The following DUSP16 variants were observed in gnomAD, a reference collection of about 807,000 sequenced individuals.
DUSP16 encodes the protein dual specificity protein phosphatase 16.
DUSP16 carries 21 observed loss-of-function variants against 58.3 expected under a neutral mutation model. The observed-to-expected ratio is 0.36, with a 90% CI of 0.26 to 0.52. DUSP16 has a LOEUF of 0.52. DUSP16 is among the 20% of genes least tolerant of loss of function. DUSP16 has a pLI of 0.94. For synonymous variants in DUSP16, 320 were observed against 323.8 expected, an observed-to-expected ratio of 0.99 and a Z score of 0.12; for missense variants, 726 against 819.0, an observed-to-expected ratio of 0.89 and a Z score of 1.39.
chr12:12,484,495 C>T (rs1011591200), intron 5 of DUSP16, among the ~76,000 whole-genome samples: 4 of 152,154 alleles, frequency 2.6e-5, no homozygotes, highest in African/African-American at 9.7e-5. Context: ...AAAGCCCACA[C>T]ATTGTCATGA....
chr12:12,532,574 T>A (rs747854157), intron 1 of DUSP16, among the ~76,000 whole-genome samples: 1 of 152,216 alleles, frequency 6.6e-6, no homozygotes, highest in Admixed American at 6.5e-5. Flanking sequence ...ATGACATACA[T>A]TCAGACCCAG....
chr12:12,504,953 A>C (rs981270175), intron 3 of DUSP16, among the ~76,000 whole-genome samples: 3 of 152,220 alleles, frequency 2.0e-5, no homozygotes, highest in Non-Finnish European at 4.4e-5. Flanking sequence ...AATCCAAGGA[A>C]ACACCACTTG....
At chr12:12,522,499 G>T (rs1290024479) in intron 1 of DUSP16, among the ~76,000 whole-genome samples, 2 of 151,956 alleles carry the variant, frequency 1.3e-5, no homozygotes, top group Non-Finnish European at 1.5e-5. Flanking sequence ...GTCCATCTCT[G>T]CTTATATGAA....
At chr12:12,534,708 G>C (rs1304326902) in intron 1 of DUSP16, among the ~76,000 whole-genome samples, 1 of 152,062 alleles carries the variant, frequency 6.6e-6, no homozygotes, top group East Asian at 1.9e-4. Flanking sequence ...TTGATGTACT[G>C]CTATTATAAC....
At chr12:12,485,582 G>C (rs889967078) in intron 5 of DUSP16, among the ~76,000 whole-genome samples, 1 of 152,094 alleles carries the variant, frequency 6.6e-6, no homozygotes, top group South Asian at 2.1e-4. Context: ...CACAATCTCA[G>C]CTCACTGCAA....
intron 1 of DUSP16, among the ~76,000 whole-genome samples, chr12:12,561,587 CGGTT>C (rs1343829584): frequency 1.3e-5 from 2 of 152,210 alleles, no homozygotes; most frequent in African/African-American, 2.4e-5. Flanking sequence ...AGGGCTTTTT[CGGTT>C]GGTTGGTTGA....
chr12:12,476,657 T>C lies in DUSP16; in HGVS notation c.*176A>G. On this transcript the variant is annotated 3_prime_UTR_variant, in exon 7 of 7. Transcript: ENST00000298573. ...GTTGAGAGAAGTATTAGCTGATCTCTCAAATGCAGATGTTAAGAGAGTAAC... is the reference window on the plus strand; with the variant it reads ...GTTGAGAGAAGTATTAGCTGATCTCCCAAATGCAGATGTTAAGAGAGTAAC... The C allele has an allele frequency of 1.7e-6, 1 of 575,136 alleles. No individual in the cohort carries two copies. The allele number at this position is 575,136 out of a possible 1,614,324, so 35.6% of individuals were successfully genotyped here.
intron 1 of DUSP16, among the ~76,000 whole-genome samples, chr12:12,522,014 T>C (rs1004375740): frequency 1.2e-4 from 19 of 152,190 alleles, no homozygotes; most frequent in African/African-American, 4.6e-4. Flanking sequence ...ACAGCAGCCT[T>C]TTAAAATTGC....
chr12:12,547,002 C>G (rs748160242), intron 1 of DUSP16, among the ~76,000 whole-genome samples: 22 of 152,156 alleles, frequency 1.4e-4, no homozygotes, highest in Non-Finnish European at 2.9e-4. Flanking sequence ...TATCATTGTC[C>G]ATATGAGAGC....
At chr12:12,500,383 T>TTACCTGGG in intron 4 of DUSP16, 136 bp downstream of exon 4, 6 of 1,016,584 alleles carry the variant, frequency 5.9e-6, no homozygotes, top group Non-Finnish European at 8.3e-6. Flanking sequence ...GACGCAACTG[T>TTACCTGGG]TACCTGGGGA....
chr12:12,525,562 C>T (rs192773898), intron 1 of DUSP16, among the ~76,000 whole-genome samples: 121 of 151,958 alleles, frequency 8.0e-4, no homozygotes, highest in African/African-American at 2.7e-3. Context: ...CTGCATCCGG[C>T]GAAATTCTTA....
At chr12:12,510,575 T>C (rs202069260) in intron 3 of DUSP16, among the ~76,000 whole-genome samples, 2 of 152,312 alleles carry the variant, frequency 1.3e-5, no homozygotes, top group East Asian at 3.9e-4. Flanking sequence ...GTTTCACATA[T>C]AAGTTCAAAA....
At chr12:12,515,186 C>T (rs957156555) in intron 3 of DUSP16, among the ~76,000 whole-genome samples, 7 of 151,878 alleles carry the variant, frequency 4.6e-5, no homozygotes, top group African/African-American at 1.7e-4. Flanking sequence ...GAATTAGATT[C>T]TTTTCAAATT....
At chr12:12,517,423 C>T (rs1944169861) in intron 3 of DUSP16, among the ~76,000 whole-genome samples, 1 of 152,166 alleles carries the variant, frequency 6.6e-6, no homozygotes, top group Admixed American at 6.5e-5. Flanking sequence ...TTCTCCCCAA[C>T]CAAAATATTT....
At chr12:12,517,406 CA>C (rs1592189186) in intron 3 of DUSP16, among the ~76,000 whole-genome samples, 1 of 152,166 alleles carries the variant, frequency 6.6e-6, no homozygotes, top group East Asian at 1.9e-4. Context: ...GGGTGCTTTT[CA>C]GTTATTTCTC....
intron 4 of DUSP16, 120 bp from the exon 5 acceptor site, chr12:12,487,307 C>A: frequency 8.4e-7 from 1 of 1,186,030 alleles, no homozygotes; most frequent in Admixed American, 2.4e-5. Context: ...ATAATTCATT[C>A]AGATCAGTGA....
At chr12:12,519,773 G>A (rs1944202437) in intron 3 of DUSP16, 89 bp downstream of exon 3, 2 of 1,322,046 alleles carry the variant, frequency 1.5e-6, no homozygotes, top group Admixed American at 2.0e-5. Flanking sequence ...AAGTTGGGAT[G>A]ATCTATTGTA....
chr12:12,503,127 C>T (rs893767301), intron 3 of DUSP16, among the ~76,000 whole-genome samples: 2 of 152,130 alleles, frequency 1.3e-5, no homozygotes, highest in African/African-American at 4.8e-5. Flanking sequence ...AATGATCACA[C>T]CTATCTCACA....
rs144965501 is a variant in DUSP16 at position 12,561,519 on chromosome 12, G to C, written c.-366+598C>G. On this transcript the variant is annotated intron_variant, in intron 1 of 6. Transcript: ENST00000298573. Reference sequence around the variant, plus strand: ...ACGTTTTGCAGCTAGTGTAAATAAAGAAGTCACTAGGCGTCGGGCCCCCCA... The same window carrying C: ...ACGTTTTGCAGCTAGTGTAAATAAACAAGTCACTAGGCGTCGGGCCCCCCA... Among the ~76,000 whole-genome samples, 1,238 of 152,284 alleles carry C rather than the reference G, an allele frequency of 8.1e-3. 53 individuals are homozygous for C. The highest frequency in any genetic ancestry group is 0.071 in the Admixed American group (1,080 of 15,298).
Sources: allele counts gnomAD v4.1 joint callset (sites outside exome capture counted in the v4.1 genomes callset), GRCh38; gene constraint gnomAD v4.1.1; transcripts MANE v1.5; gene names NCBI Gene and HGNC (gene_info 2026-07-23, HGNC 2026-07-21).